The following UBE2F variants were observed in gnomAD, a reference collection of about 807,000 sequenced individuals.
UBE2F encodes the protein NEDD8-conjugating enzyme UBE2F.
In UBE2F, 5 loss-of-function variants were observed where a neutral mutation model predicts 29.6. That is an observed-to-expected ratio of 0.17 (90% CI 0.09 to 0.36). UBE2F has a LOEUF of 0.36. UBE2F is among the 10% of genes least tolerant of loss of function. The probability of loss-of-function intolerance (pLI) is 1.00; values close to 1 mark genes in which losing one functional copy is unlikely to be tolerated. For missense variants in UBE2F, 141 were observed against 228.5 expected, an observed-to-expected ratio of 0.62 and a Z score of 2.47; for synonymous variants, 66 against 81.8, an observed-to-expected ratio of 0.81 and a Z score of 1.04.
chr2:238,007,433 T>C (rs1277567482), intron 4 of UBE2F, among the ~76,000 whole-genome samples: 1 of 152,114 alleles, frequency 6.6e-6, no homozygotes, highest in Non-Finnish European at 1.5e-5. Flanking sequence ...TGCTATAGGG[T>C]TTTTGCAGAT....
Position 238,032,207 on chromosome 2 carries a change from T to C in UBE2F, c.412-15T>C, listed in dbSNP as rs760746261. 6.2e-6 allele frequency: 10 copies of C among 1,611,936 alleles called. No homozygotes were observed. The highest frequency in any genetic ancestry group is 1.7e-4 in the Middle Eastern group (1 of 6,060). ...TTGGCTTAAAACTTGTTTTCTGTTTTCTTTTTTATTTCAGGATGTCGTTTG... is the reference window on the plus strand; with the variant it reads ...TTGGCTTAAAACTTGTTTTCTGTTTCCTTTTTTATTTCAGGATGTCGTTTG... On this transcript the variant is annotated splice_polypyrimidine_tract_variant and intron_variant, in intron 7 of 9. Transcript: ENST00000272930.
chr2:237,969,600 C>T (rs953858909), intron 1 of UBE2F, among the ~76,000 whole-genome samples: 1 of 152,124 alleles, frequency 6.6e-6, no homozygotes, highest in Non-Finnish European at 1.5e-5. Flanking sequence ...GATGGATGCA[C>T]GTCTTGGTCC....
chr2:237,983,073 G>A (rs777442850), intron 2 of UBE2F, among the ~76,000 whole-genome samples: 4 of 152,174 alleles, frequency 2.6e-5, no homozygotes, highest in Non-Finnish European at 4.4e-5. Context: ...GGCTTCAAGC[G>A]ATCCTCCTGC....
chr2:238,003,220 C>G (rs1217426219), intron 4 of UBE2F: 1 of 308,968 alleles, frequency 3.2e-6, no homozygotes, highest in African/African-American at 2.2e-5. Flanking sequence ...TCTTTTCTTT[C>G]AAATAATCTT....
At chr2:238,019,845 A>G (rs2064251387) in intron 5 of UBE2F, among the ~76,000 whole-genome samples, 1 of 151,732 alleles carries the variant, frequency 6.6e-6, no homozygotes, top group African/African-American at 2.4e-5. Context: ...GTTTTAGTAG[A>G]GACGGGGTTT....
At chr2:237,993,955 T>C (rs886133543) in intron 3 of UBE2F, among the ~76,000 whole-genome samples, 1 of 152,158 alleles carries the variant, frequency 6.6e-6, no homozygotes. Context: ...CACAGAACAT[T>C]GCCATCTGGG....
intron 2 of UBE2F, chr2:237,973,802 G>A (rs910128019): frequency 8.1e-6 from 6 of 736,616 alleles, no homozygotes; most frequent in East Asian, 8.8e-5. Context: ...GAGAGTATGC[G>A]TGCATGCAGA....
At chr2:238,002,205 C>G (rs1463063249) in intron 4 of UBE2F, among the ~76,000 whole-genome samples, 1 of 151,202 alleles carries the variant, frequency 6.6e-6, no homozygotes, top group Non-Finnish European at 1.5e-5. Flanking sequence ...GCTGGGATTA[C>G]AGGCATGCGC....
chr2:237,993,844 G>A (rs1317323940), intron 3 of UBE2F, among the ~76,000 whole-genome samples: 2 of 152,090 alleles, frequency 1.3e-5, no homozygotes, highest in Non-Finnish European at 2.9e-5. Context: ...GAGATGGGTG[G>A]GATGCAATCA....
intron 1 of UBE2F, among the ~76,000 whole-genome samples, chr2:237,969,652 C>G (rs1338131352): frequency 6.6e-6 from 1 of 152,008 alleles, no homozygotes; most frequent in Non-Finnish European, 1.5e-5. Context: ...CTGATGTGCT[C>G]GAGTCTGCAC....
chr2:237,990,718 A>G (rs2063570194), intron 3 of UBE2F, among the ~76,000 whole-genome samples: 2 of 151,504 alleles, frequency 1.3e-5, no homozygotes, highest in Non-Finnish European at 2.9e-5. Context: ...CCGAGATAGC[A>G]CCAGTGCACT....
In UBE2F at chr2:237,967,023, C is replaced by T; in HGVS notation, c.-126C>T. ...GAGTCCCCGCCCCGCCACTTCCGGT[C>T]CCGCCGCCGGGAGCCGGTGCGGCTG... On this transcript the variant is annotated 5_prime_UTR_variant, in exon 1 of 10. Transcript: ENST00000272930. The surrounding 1 kb of genome is among the most constrained non-coding windows in gnomAD (Gnocchi z 6.3). The T allele has an allele frequency of 7.9e-7, 1 of 1,272,998 alleles. No homozygotes were observed. Among genetic ancestry groups the T allele is most frequent in the Non-Finnish European group, 1.0e-6 (1 of 1,003,852 alleles). 78.9% of individuals were successfully genotyped at this position (1,272,998 alleles called of 1,614,324 possible).
chr2:237,989,595 C>T (rs2063542628), intron 3 of UBE2F, among the ~76,000 whole-genome samples: 1 of 152,028 alleles, frequency 6.6e-6, no homozygotes, highest in Non-Finnish European at 1.5e-5. Flanking sequence ...TCAAGTGATC[C>T]TTCTGCCTCA....
At chr2:238,007,217 G>T (rs1309075875) in intron 4 of UBE2F, among the ~76,000 whole-genome samples, 3 of 152,244 alleles carry the variant, frequency 2.0e-5, no homozygotes, top group South Asian at 2.1e-4. Flanking sequence ...TGCCTCCCGG[G>T]TTCAGGCGAT....
At chr2:237,987,449 T>G (rs971217427) in intron 2 of UBE2F, among the ~76,000 whole-genome samples, 2 of 152,102 alleles carry the variant, frequency 1.3e-5, no homozygotes, top group African/African-American at 4.8e-5. Context: ...GGTTTGCAGT[T>G]TTGTCCTGCA....
At chr2:237,994,113 T>TC (rs1559209224) in intron 3 of UBE2F, among the ~76,000 whole-genome samples, 4 of 147,656 alleles carry the variant, frequency 2.7e-5, no homozygotes, top group Admixed American at 6.7e-5. Context: ...CTTCTTCTTT[T>TC]TTTTTTTTTT....
intron 5 of UBE2F, among the ~76,000 whole-genome samples, chr2:238,022,559 A>G (rs1268963702): frequency 6.6e-6 from 1 of 152,048 alleles, no homozygotes; most frequent in African/African-American, 2.4e-5. Flanking sequence ...GTATGTTATG[A>G]TATGCTTAAA....
At chr2:237,969,924 T>C (rs915929906) in intron 1 of UBE2F, among the ~76,000 whole-genome samples, 4 of 152,216 alleles carry the variant, frequency 2.6e-5, no homozygotes, top group Admixed American at 6.5e-5. Flanking sequence ...CCTGAGGAGA[T>C]GGCACAGTAG....
At chr2:238,008,157 G>A (rs182506385) in intron 4 of UBE2F, among the ~76,000 whole-genome samples, 2 of 152,022 alleles carry the variant, frequency 1.3e-5, no homozygotes, top group African/African-American at 2.4e-5. Flanking sequence ...TTTTTGTAGA[G>A]ACGGGGGTCT....
Sources: allele counts gnomAD v4.1 joint callset (sites outside exome capture counted in the v4.1 genomes callset), GRCh38; gene constraint gnomAD v4.1.1; non-coding constraint Gnocchi (gnomAD v3.1); transcripts MANE v1.5; gene names NCBI Gene and HGNC (gene_info 2026-07-23, HGNC 2026-07-21).